KIF1A: variants seen among roughly 807,000 people sequenced by gnomAD.
KIF1A encodes kinesin family member 1A.
A neutral mutation model predicts 227.3 loss-of-function variants in KIF1A; 46 were observed. That is an observed-to-expected ratio of 0.20 (90% CI 0.16 to 0.26). The LOEUF is 0.26. KIF1A is among the 10% of genes least tolerant of loss of function. The pLI is 1.00. For synonymous variants in KIF1A, 1,022 were observed against 1,012.8 expected (o/e 1.01, Z -0.17); for missense variants, 1,683 against 2,485.9 (o/e 0.68, Z 6.87).
In KIF1A at chr2:240,790,470, A is replaced by G. The variant is rs1008347877; in HGVS notation, c.107-1158T>C. On this transcript the variant is annotated intron_variant, in intron 2 of 48. Coordinates refer to ENST00000498729, the MANE Select transcript of KIF1A (RefSeq NM_001244008.2). The surrounding 1 kb of genome is among the most constrained non-coding windows in gnomAD (Gnocchi z 5.0). ...GCGGCACAGCCTCCAGTATGCCCGC[A>G]CCCTCCGTGCCAGCATGCACCCTGG... Among the ~76,000 whole-genome samples the G allele has an allele frequency of 1.3e-5, 2 of 151,754 alleles. No individual in the cohort carries two copies. Among genetic ancestry groups the G allele is most frequent in the East Asian group, 3.9e-4 (2 of 5,126 alleles).
At position 240,761,396 on chromosome 2, in the gene KIF1A, C is replaced by T. The variant is rs144984515; in HGVS notation, c.2117-19G>A. ...CACTGGACTGTGGGGAGAGGTCACA[C>T]GTGGTCATCGCAGGAAGGCCATGAC... is the stretch of plus-strand genomic sequence containing the variant. On this transcript the variant is annotated intron_variant, in intron 23 of 48. Coordinates refer to ENST00000498729, the MANE Select transcript of KIF1A (RefSeq NM_001244008.2). 5.1e-6 allele frequency: 8 copies of T among 1,567,186 alleles called. No individual in the cohort carries two copies. The highest frequency in any genetic ancestry group is 4.0e-5 in the African/African-American group (3 of 74,076).
In KIF1A at chr2:240,736,752, C is replaced by T. The variant is rs1425242122; in HGVS notation, c.4007+311G>A. 1.3e-5 allele frequency among the ~76,000 whole-genome samples: 2 copies of T among 152,248 alleles called. No individual in the cohort carries two copies. The highest frequency in any genetic ancestry group is 2.9e-5 in the Non-Finnish European group (2 of 68,048). On this transcript the variant is annotated intron_variant, in intron 38 of 48. Transcript: ENST00000498729. This position sits in a 1 kb window ranked among gnomAD's most constrained non-coding sequence, Gnocchi z 4.7. ...TTGGACATACAGCCACTTGTCCCCA[C>T]ACCACGCAACCACAAAACTCCCGAG...
chr2:240,763,963 C>T (rs555159619), intron 20 of KIF1A, among the ~76,000 whole-genome samples: 1 of 152,290 alleles, frequency 6.6e-6, no homozygotes, highest in Non-Finnish European at 1.5e-5. Context: ...GCCCCTCCCA[C>T]CCCAGCACCC....
chr2:240,750,428 C>T lies in KIF1A; in HGVS notation c.2977+1G>A. 1 of 1,611,546 alleles carries T rather than the reference C, an allele frequency of 6.2e-7. No individual in the cohort carries two copies. Among genetic ancestry groups the T allele is most frequent in the Non-Finnish European group, 8.5e-7 (1 of 1,177,918 alleles). ...ACACACGGCCTTTGGCCCACACGCA[C>T]CTGAGATGGCCTGGACGGCCACGCG... On this transcript the variant is annotated splice_donor_variant, in intron 28 of 48. Coordinates refer to ENST00000498729, the MANE Select transcript of KIF1A (RefSeq NM_001244008.2). LOFTEE classifies it high-confidence loss of function.
rs767812450 is a variant in KIF1A, at chr2:240,726,977, G to T, written c.4008-37C>A. ...CAGAGACAAAGTAGAAGTTGATGGC[G>T]TGGGGGCTGCTTTCAGCCAGGCCGG... is the stretch of plus-strand genomic sequence containing the variant. On this transcript the variant is annotated intron_variant, in intron 38 of 48. Coordinates refer to ENST00000498729, the MANE Select transcript of KIF1A (RefSeq NM_001244008.2). The surrounding 1 kb of genome is among the most constrained non-coding windows in gnomAD (Gnocchi z 5.2). The T allele has an allele frequency of 1.8e-5, 23 of 1,304,096 alleles. No individual in the cohort carries two copies. Among genetic ancestry groups the T allele is most frequent in the Admixed American group, 1.1e-4 (6 of 52,458 alleles). The allele number at this position is 1,304,096 out of a possible 1,614,324, so 80.8% of individuals were successfully genotyped here.
At chr2:240,730,067 C>A (rs910780215) in intron 38 of KIF1A, among the ~76,000 whole-genome samples, 1 of 152,224 alleles carries the variant, frequency 6.6e-6, no homozygotes, top group Non-Finnish European at 1.5e-5. Context: ...CTTGGAATCT[C>A]GGGCCAGGAG....
intron 38 of KIF1A, among the ~76,000 whole-genome samples, chr2:240,730,374 G>A (rs2046466648): frequency 6.6e-6 from 1 of 152,170 alleles, no homozygotes; most frequent in Non-Finnish European, 1.5e-5. Flanking sequence ...ACCCTGCCAT[G>A]GCAAAAACTG....
At chr2:240,771,981 A>C (rs534871726) in intron 14 of KIF1A, among the ~76,000 whole-genome samples, 1 of 152,322 alleles carries the variant, frequency 6.6e-6, no homozygotes, top group Admixed American at 6.5e-5. Context: ...GGCGCCCTGC[A>C]GCCAAGCTCG....
intron 28 of KIF1A, chr2:240,748,641 T>C: frequency 3.5e-6 from 1 of 285,938 alleles, no homozygotes; most frequent in Non-Finnish European, 7.5e-6. Flanking sequence ...TCCCTGAGTA[T>C]TGCAGCCCTG....
At chr2:240,744,354 G>A (rs181639886) in intron 32 of KIF1A, among the ~76,000 whole-genome samples, 234 of 152,276 alleles carry the variant, frequency 1.5e-3, no homozygotes, top group Non-Finnish European at 2.3e-3. Flanking sequence ...GTGACAAAGG[G>A]CAGCGCTGGT....
chr2:240,732,712 GGGGATGA>G (rs1406069890), intron 38 of KIF1A, among the ~76,000 whole-genome samples: 3 of 110,276 alleles, frequency 2.7e-5, no homozygotes, highest in Non-Finnish European at 5.5e-5. Flanking sequence ...GGGGATGAGG[GGGGATGA>G]GGGATGAGGG....
chr2:240,730,825 G>T (rs1039098077), intron 38 of KIF1A, among the ~76,000 whole-genome samples: 1 of 152,230 alleles, frequency 6.6e-6, no homozygotes, highest in Non-Finnish European at 1.5e-5. Flanking sequence ...TCTCTGGGAT[G>T]AAAGCTGGAT....
rs181360230 is a variant in KIF1A at position 240,741,165 on chromosome 2, C to A, written c.3749+104G>T. On this transcript the variant is annotated intron_variant, in intron 35 of 48. Coordinates refer to ENST00000498729, the MANE Select transcript of KIF1A (RefSeq NM_001244008.2). ...CTGCAGTGAACACCCGCTGGAAGAA[C>A]GACTCTGGATGCTGGCAACCCTCAG... The A allele has an allele frequency of 6.9e-5, 51 of 741,584 alleles. 1 individual carries two copies. The highest frequency in any genetic ancestry group is 5.5e-4 in the African/African-American group (32 of 57,884). 45.9% of individuals were successfully genotyped at this position (741,584 alleles called of 1,614,324 possible).
rs2049077752 is a variant in KIF1A at position 240,750,429 on chromosome 2, C to G, written c.2977G>C (p.Ala993Pro). ...CACACGGCCTTTGGCCCACACGCAC[C>G]TGAGATGGCCTGGACGGCCACGCGG... ...FLRVAVQAIS[A>P]DEEAPDYGSG... The change falls in exon 28 of 49, where the codon GCC becomes CCC. Residue 993 changes from alanine to proline, a missense_variant and splice_region_variant. By Grantham distance (27) the Ala-to-Pro change is conservative (BLOSUM62 -1). Around this residue, in one of 12 missense-constraint regions of KIF1A, gnomAD observed 759 missense variants for 1,020.2 expected, o/e 0.74. Coordinates refer to ENST00000498729, the MANE Select transcript of KIF1A (RefSeq NM_001244008.2). 1 of 1,611,546 alleles carries G rather than the reference C, an allele frequency of 6.2e-7. No individual in the cohort carries two copies.
chr2:240,763,477 C>T, intron 20 of KIF1A, 131 bp from the exon 21 acceptor site: 1 of 833,922 alleles, frequency 1.2e-6, no homozygotes, highest in Non-Finnish European at 1.8e-6. Flanking sequence ...CCAGCCACTC[C>T]TTCTTCAGCC....
At chr2:240,761,086 G>A (rs911487397) in intron 24 of KIF1A, 143 bp downstream of exon 24, 2 of 1,074,756 alleles carry the variant, frequency 1.9e-6, no homozygotes, top group African/African-American at 1.6e-5. Context: ...CCACCCTTCT[G>A]GGGGGCCAGG....
rs987292027 is a variant in KIF1A at position 240,717,261 on chromosome 2, T to C, written c.*103A>G. On this transcript the variant is annotated 3_prime_UTR_variant, in exon 49 of 49. Coordinates refer to ENST00000498729, the MANE Select transcript of KIF1A (RefSeq NM_001244008.2). Reference sequence around the variant, plus strand: ...GTCCCCTGGGGGGTCGACCCGGTCGTGGGCTGTCTGGCAGGAGAGGGGCTG... The same window carrying C: ...GTCCCCTGGGGGGTCGACCCGGTCGCGGGCTGTCTGGCAGGAGAGGGGCTG... 4.2e-6 allele frequency: 5 copies of C among 1,178,432 alleles called. No homozygotes were observed. The highest frequency in any genetic ancestry group is 6.2e-6 in the Non-Finnish European group (5 of 805,948). The allele number at this position is 1,178,432 out of a possible 1,614,324, so 73.0% of individuals were successfully genotyped here.
chr2:240,728,022 A>G (rs1157173580), intron 38 of KIF1A, among the ~76,000 whole-genome samples: 2 of 152,154 alleles, frequency 1.3e-5, no homozygotes, highest in East Asian at 1.9e-4. Context: ...CTCCCCTCCA[A>G]GCATCCTCGC....
At chr2:240,802,590 G>C (rs150806838) in intron 1 of KIF1A, among the ~76,000 whole-genome samples, 3 of 152,186 alleles carry the variant, frequency 2.0e-5, no homozygotes, top group Admixed American at 2.0e-4. Flanking sequence ...ATTTGTGCTT[G>C]TTCTATCAGC....
Sources: gnomAD v4.1 joint callset for allele counts (sites outside exome capture counted in the v4.1 genomes callset) on GRCh38, gnomAD v4.1.1 for gene constraint, gnomAD v4.1.1 regional missense constraint, Gnocchi (gnomAD v3.1) non-coding constraint, MANE v1.5 for transcripts, NCBI Gene and HGNC (gene_info 2026-07-23, HGNC 2026-07-21) for gene names.